MAP2K4: variants seen among roughly 807,000 people sequenced by gnomAD.
MAP2K4 encodes the protein dual specificity mitogen-activated protein kinase kinase 4.
Under a neutral mutation model 48.5 loss-of-function variants are expected in MAP2K4, and 4 were observed. That is an observed-to-expected ratio of 0.08 (90% CI 0.04 to 0.19). The LOEUF is 0.19. Ranked by LOEUF, MAP2K4 falls within the 10% of genes least tolerant of loss-of-function variation. MAP2K4 has a pLI of 1.00. For missense variants in MAP2K4, 258 were observed against 493.3 expected (o/e 0.52, Z 4.52); for synonymous variants, 166 against 173.1 (o/e 0.96, Z 0.32).
Position 12,101,308 on chromosome 17 carries a change from T to A in MAP2K4, c.513+5614T>A, listed in dbSNP as rs189921377. On this transcript the variant is annotated intron_variant, in intron 4 of 10. Coordinates refer to ENST00000353533, the MANE Select transcript of MAP2K4 (RefSeq NM_003010.4). ...ACCTTTATCAGATATCAGTTGTCCA[T>A]ACAGATGTGTGTCTATTTCTGGAGT... is the stretch of plus-strand genomic sequence containing the variant. Among the ~76,000 whole-genome samples, 210 of 152,220 alleles carry A rather than the reference T, an allele frequency of 1.4e-3. 1 individual carries two copies. The highest frequency in any genetic ancestry group is 2.1e-3 in the Non-Finnish European group (141 of 67,962).
chr17:12,106,736 G>A (rs944031629), intron 4 of MAP2K4, among the ~76,000 whole-genome samples: 55 of 152,070 alleles, frequency 3.6e-4, no homozygotes, highest in African/African-American at 1.3e-3. Context: ...TTTTTGTAAG[G>A]TACTTTGTAG....
At chr17:12,107,988 T>C in intron 5 of MAP2K4, 79 bp downstream of exon 5, 8 of 1,251,818 alleles carry the variant, frequency 6.4e-6, no homozygotes, top group Non-Finnish European at 8.6e-6. Flanking sequence ...TGCACATATT[T>C]GAGTGTCACT....
chr17:12,103,397 G>C (rs1454108989), intron 4 of MAP2K4, among the ~76,000 whole-genome samples: 1 of 151,626 alleles, frequency 6.6e-6, no homozygotes, highest in African/African-American at 2.4e-5. Context: ...TTTTTTGACG[G>C]GGAGCGGTGT....
intron 2 of MAP2K4, among the ~76,000 whole-genome samples, chr17:12,065,726 G>A (rs1970595937): frequency 6.6e-6 from 1 of 152,230 alleles, no homozygotes; most frequent in Admixed American, 6.5e-5. Context: ...GAGCCGCCGT[G>A]CCTGGCCAGT....
chr17:12,048,542 G>A (rs1970035660), intron 1 of MAP2K4, among the ~76,000 whole-genome samples: 1 of 152,182 alleles, frequency 6.6e-6, no homozygotes, highest in Non-Finnish European at 1.5e-5. Context: ...AAGATTGCCA[G>A]TGGGGGGAGA....
intron 3 of MAP2K4, among the ~76,000 whole-genome samples, chr17:12,083,456 A>G (rs931249701): frequency 1.3e-5 from 2 of 152,212 alleles, no homozygotes; most frequent in African/African-American, 4.8e-5. Flanking sequence ...GAGACCTACA[A>G]ACTGGTTGCT....
chr17:12,073,115 A>G (rs1239110230), intron 2 of MAP2K4, among the ~76,000 whole-genome samples: 2 of 152,236 alleles, frequency 1.3e-5, no homozygotes, highest in Non-Finnish European at 2.9e-5. Flanking sequence ...AACTCCCTAT[A>G]GGATCTGATA....
intron 3 of MAP2K4, among the ~76,000 whole-genome samples, chr17:12,092,469 T>G (rs767787863): frequency 6.6e-6 from 1 of 152,228 alleles, no homozygotes; most frequent in Non-Finnish European, 1.5e-5. Flanking sequence ...CCCATAGATA[T>G]TGTTTTGATG....
chr17:12,130,169 T>C (rs1337320072), intron 9 of MAP2K4, among the ~76,000 whole-genome samples: 1 of 152,160 alleles, frequency 6.6e-6, no homozygotes, highest in African/African-American at 2.4e-5. Context: ...TAAATCAGGG[T>C]CTAACATTGC....
chr17:12,087,030 A>G (rs1971389784), intron 3 of MAP2K4, among the ~76,000 whole-genome samples: 1 of 151,990 alleles, frequency 6.6e-6, no homozygotes, highest in Admixed American at 6.6e-5. Context: ...TATTATTAGT[A>G]GAGGCGGGGT....
chr17:12,098,690 A>G (rs1971838273), intron 4 of MAP2K4, among the ~76,000 whole-genome samples: 1 of 152,112 alleles, frequency 6.6e-6, no homozygotes, highest in African/African-American at 2.4e-5. Flanking sequence ...GAATGTATGT[A>G]GTCAGGACTT....
At chr17:12,029,078 C>T (rs1418204316) in intron 1 of MAP2K4, among the ~76,000 whole-genome samples, 2 of 152,096 alleles carry the variant, frequency 1.3e-5, no homozygotes, top group Non-Finnish European at 2.9e-5. Flanking sequence ...CTTACACATC[C>T]TAAACAGCCG....
At chr17:12,083,688 A>G (rs1489218666) in intron 3 of MAP2K4, among the ~76,000 whole-genome samples, 3 of 152,268 alleles carry the variant, frequency 2.0e-5, no homozygotes, top group Non-Finnish European at 2.9e-5. Context: ...TGACAGATGT[A>G]TGCCATCTCT....
chr17:12,040,210 AG>A (rs1265208627), intron 1 of MAP2K4, among the ~76,000 whole-genome samples: 1 of 152,192 alleles, frequency 6.6e-6, no homozygotes, highest in African/African-American at 2.4e-5. Context: ...TCTTAGGAAG[AG>A]GTTGACTCTC....
intron 9 of MAP2K4, among the ~76,000 whole-genome samples, chr17:12,137,212 G>A (rs1042169463): frequency 3.3e-5 from 5 of 152,202 alleles, no homozygotes; most frequent in Admixed American, 2.0e-4. Context: ...GAATGGATAT[G>A]CATGGAGGGT....
intron 7 of MAP2K4, among the ~76,000 whole-genome samples, chr17:12,117,853 G>C (rs1236133708): frequency 4.6e-5 from 7 of 152,138 alleles, no homozygotes; most frequent in Non-Finnish European, 8.8e-5. Flanking sequence ...AGGAGAAACT[G>C]CTGAAGTTCT....
intron 8 of MAP2K4, among the ~76,000 whole-genome samples, chr17:12,127,410 T>C (rs1289984526): frequency 2.6e-5 from 4 of 152,216 alleles, no homozygotes; most frequent in South Asian, 2.1e-4. Context: ...GAAATACTTA[T>C]CTATGACTAA....
At chr17:12,090,630 T>C (rs1971531195) in intron 3 of MAP2K4, among the ~76,000 whole-genome samples, 1 of 152,188 alleles carries the variant, frequency 6.6e-6, no homozygotes, top group African/African-American at 2.4e-5. Context: ...TTCATCATCA[T>C]GCGCTTTCCC....
chr17:12,123,637 G>A (rs369902274), intron 7 of MAP2K4, among the ~76,000 whole-genome samples: 2 of 151,724 alleles, frequency 1.3e-5, no homozygotes, highest in African/African-American at 2.4e-5. Context: ...TTTGATTTGA[G>A]ATGTCTTCTC....
Sources: allele counts gnomAD v4.1 joint callset (sites outside exome capture counted in the v4.1 genomes callset), GRCh38; gene constraint gnomAD v4.1.1; transcripts MANE v1.5; gene names NCBI Gene and HGNC (gene_info 2026-07-23, HGNC 2026-07-21).